The following CHRM3 variants were observed in gnomAD, a reference collection of about 807,000 sequenced individuals.
CHRM3 encodes muscarinic acetylcholine receptor M3.
CHRM3 carries 11 observed loss-of-function variants against 41.8 expected under a neutral mutation model. The ratio of observed to expected loss-of-function variants is 0.26; its 90% CI spans 0.17 to 0.44. The LOEUF (loss-of-function observed/expected upper bound fraction) is 0.44, where lower values mean the gene tolerates loss of function less well. Ranked by LOEUF, CHRM3 falls within the 20% of genes least tolerant of loss-of-function variation. CHRM3 has a pLI of 1.00. For missense variants in CHRM3, 571 were observed against 745.4 expected, an observed-to-expected ratio of 0.77 and a Z score of 2.72; for synonymous variants, 297 against 301.4, an observed-to-expected ratio of 0.99 and a Z score of 0.15.
chr1:239,421,423 A>C (rs1179370596), intron 1 of CHRM3, among the ~76,000 whole-genome samples: 4 of 152,224 alleles, frequency 2.6e-5, no homozygotes, highest in African/African-American at 9.6e-5. Context: ...ATGACTTGGA[A>C]GTATGAATGT....
At chr1:239,856,133 A>G (rs1478361192) in intron 6 of CHRM3, among the ~76,000 whole-genome samples, 1 of 152,050 alleles carries the variant, frequency 6.6e-6, no homozygotes, top group Non-Finnish European at 1.5e-5. Flanking sequence ...CTATGTTCAC[A>G]TCTCTATCCC....
intron 6 of CHRM3, among the ~76,000 whole-genome samples, chr1:239,905,872 A>G (rs1050975686): frequency 2.6e-5 from 4 of 152,324 alleles, no homozygotes; most frequent in Admixed American, 6.5e-5. Flanking sequence ...AAAGAATAAG[A>G]TAATAATCAC....
intron 1 of CHRM3, among the ~76,000 whole-genome samples, chr1:239,480,894 G>T (rs545444176): frequency 6.6e-6 from 1 of 152,272 alleles, no homozygotes; most frequent in African/African-American, 2.4e-5. Context: ...AGGCTCAGAT[G>T]AGTGAAGTAA....
At chr1:239,445,033 C>A (rs1664022889) in intron 1 of CHRM3, among the ~76,000 whole-genome samples, 2 of 152,066 alleles carry the variant, frequency 1.3e-5, no homozygotes, top group African/African-American at 4.8e-5. Context: ...GATTTGGCAA[C>A]AATGAGGTTA....
At chr1:239,723,053 T>C (rs1663119841) in intron 5 of CHRM3, among the ~76,000 whole-genome samples, 1 of 151,930 alleles carries the variant, frequency 6.6e-6, no homozygotes, top group Non-Finnish European at 1.5e-5. Context: ...ATTTTCTCAG[T>C]ATCCTCTGCT....
At position 239,772,574 on chromosome 1, in the gene CHRM3, A is replaced by G. The variant is rs116840016; in HGVS notation, c.-146-54678A>G. ...ATTCTCTGCTGTTTAAAGGCCTTCT[A>G]TTGTTCTACGTTGTCTACAGGCTAA... On this transcript the variant is annotated intron_variant, in intron 5 of 6. Coordinates refer to ENST00000676153, the MANE Select transcript of CHRM3 (RefSeq NM_001375978.1). 1.1e-3 allele frequency among the ~76,000 whole-genome samples: 168 copies of G among 152,244 alleles called. 1 individual carries two copies. Among genetic ancestry groups the G allele is most frequent in the African/African-American group, 3.9e-3 (164 of 41,560 alleles).
chr1:239,431,479 T>G (rs60481811), intron 1 of CHRM3, among the ~76,000 whole-genome samples: 1,525 of 152,272 alleles, frequency 0.01, 26 homozygotes, highest in African/African-American at 0.035. Flanking sequence ...GAAATAAATT[T>G]TTTCTCTAAA....
At chr1:239,622,421 GAT>G (rs1172277459) in intron 3 of CHRM3, among the ~76,000 whole-genome samples, 1 of 152,128 alleles carries the variant, frequency 6.6e-6, no homozygotes, top group Non-Finnish European at 1.5e-5. Context: ...TTCTAGAAAG[GAT>G]TCACCATTCT....
rs370938043 is a variant in CHRM3 at position 239,869,450 on chromosome 1, T to C, written c.-19-37983T>C. On this transcript the variant is annotated intron_variant, in intron 6 of 6. Transcript: ENST00000676153. ...GGAACATAGTAGTCAGGCAATTAGG[T>C]GGACATTGAATTTGTTCACCCTGTG... is the stretch of plus-strand genomic sequence containing the variant. Among the ~76,000 whole-genome samples the C allele has an allele frequency of 9.2e-5, 14 of 152,174 alleles. 1 individual carries two copies. Among genetic ancestry groups the C allele is most frequent in the African/African-American group, 3.4e-4 (14 of 41,518 alleles).
At chr1:239,425,336 T>C (rs749330430) in intron 1 of CHRM3, among the ~76,000 whole-genome samples, 2 of 152,158 alleles carry the variant, frequency 1.3e-5, no homozygotes, top group Non-Finnish European at 2.9e-5. Flanking sequence ...ACTCGGTATT[T>C]ACTGAGGTCC....
At chr1:239,661,384 T>G (rs1263063791) in intron 4 of CHRM3, among the ~76,000 whole-genome samples, 1 of 152,204 alleles carries the variant, frequency 6.6e-6, no homozygotes, top group Non-Finnish European at 1.5e-5. Flanking sequence ...GAGTTTTAGG[T>G]TCTAAAGTCA....
chr1:239,569,714 T>C (rs1661662867), intron 3 of CHRM3, among the ~76,000 whole-genome samples: 1 of 152,146 alleles, frequency 6.6e-6, no homozygotes, highest in South Asian at 2.1e-4. Flanking sequence ...TTTATGTCAG[T>C]AGTGAAGTAA....
At chr1:239,873,146 A>G (rs1322159054) in intron 6 of CHRM3, among the ~76,000 whole-genome samples, 1 of 152,096 alleles carries the variant, frequency 6.6e-6, no homozygotes, top group Non-Finnish European at 1.5e-5. Context: ...GGCATTTATC[A>G]TGTACTGTGT....
intron 1 of CHRM3, among the ~76,000 whole-genome samples, chr1:239,397,256 T>C (rs1186813188): frequency 1.3e-5 from 2 of 152,232 alleles, no homozygotes; most frequent in African/African-American, 2.4e-5. Context: ...TTTTGCTCCA[T>C]AAAGAATAGG....
At chr1:239,717,045 G>GT (rs35801899) in intron 5 of CHRM3, among the ~76,000 whole-genome samples, 60,844 of 148,074 alleles carry the variant, frequency 0.41, 13,739 homozygotes, top group South Asian at 0.61. Context: ...ATCACTTCCA[G>GT]TTTTTTTTTT....
intron 5 of CHRM3, among the ~76,000 whole-genome samples, chr1:239,725,568 GGA>G (rs1663360825): frequency 6.6e-6 from 1 of 151,914 alleles, no homozygotes; most frequent in Non-Finnish European, 1.5e-5. Flanking sequence ...CTGCTTGACA[GGA>G]GAGAGACTGT....
chr1:239,832,077 C>T (rs960348115), intron 6 of CHRM3, among the ~76,000 whole-genome samples: 1 of 152,030 alleles, frequency 6.6e-6, no homozygotes, highest in African/African-American at 2.4e-5. Context: ...TGCTTGTGGT[C>T]GAGGACAGAA....
At chr1:239,477,536 A>G (rs1666549532) in intron 1 of CHRM3, among the ~76,000 whole-genome samples, 1 of 152,180 alleles carries the variant, frequency 6.6e-6, no homozygotes, top group Non-Finnish European at 1.5e-5. Context: ...CTGACATTGA[A>G]GGGGTAAGAA....
rs1448968525 is a variant in CHRM3 at position 239,533,172 on chromosome 1, C to A, written c.-421-12469C>A. On this transcript the variant is annotated intron_variant, in intron 2 of 6. Coordinates refer to ENST00000676153, the MANE Select transcript of CHRM3 (RefSeq NM_001375978.1). ...TTTTTTAAAAATACAGAACAGGACC[C>A]CCATTACTAAGCTAAACTTCCCATG... Among the ~76,000 whole-genome samples, 4 of 152,000 alleles carry A rather than the reference C, an allele frequency of 2.6e-5. No individual in the cohort carries two copies. The East Asian group carries it at 7.7e-4, about 29-fold the overall frequency.
Sources: gnomAD v4.1 joint callset for allele counts (sites outside exome capture counted in the v4.1 genomes callset) on GRCh38, gnomAD v4.1.1 for gene constraint, MANE v1.5 for transcripts, NCBI Gene and HGNC (gene_info 2026-07-23, HGNC 2026-07-21) for gene names.